CCDC47: variants seen among roughly 807,000 people sequenced by gnomAD.
CCDC47 encodes the protein coiled-coil domain containing 47, also known as PAT complex subunit CCDC47.
CCDC47 carries 41 observed loss-of-function variants against 60.5 expected under a neutral mutation model. The ratio of observed to expected loss-of-function variants is 0.68; its 90% CI spans 0.53 to 0.88. The LOEUF (loss-of-function observed/expected upper bound fraction) is 0.88, where lower values mean the gene tolerates loss of function less well. Among genes scored for constraint, CCDC47 ranks in the 40% least tolerant of loss-of-function variants. CCDC47 has a pLI of 0.00. For synonymous variants in CCDC47, 195 were observed against 190.7 expected (o/e 1.02, Z -0.18); for missense variants, 513 against 580.9 (o/e 0.88, Z 1.20).
intron 1 of CCDC47, chr17:63,766,852 A>G: frequency 2.0e-6 from 2 of 981,078 alleles, no homozygotes; most frequent in East Asian, 2.3e-4. Flanking sequence ...GTAAAAATGA[A>G]GGAATAAGAT....
chr17:63,766,224 T>C (rs113734422), intron 1 of CCDC47, 30 bp from the exon 2 acceptor site: 37 of 1,570,478 alleles, frequency 2.4e-5, no homozygotes, highest in African/African-American at 2.2e-4. Flanking sequence ...CCAAAATGGA[T>C]TGCCATTCTA....
At chr17:63,772,064 A>G (rs1220488281) in intron 1 of CCDC47, among the ~76,000 whole-genome samples, 1 of 152,028 alleles carries the variant, frequency 6.6e-6, no homozygotes, top group Non-Finnish European at 1.5e-5. Flanking sequence ...CCTGGGCAAC[A>G]GGGTGAGACT....
chr17:63,753,007 T>C (rs1052768133), intron 9 of CCDC47: 1 of 799,746 alleles, frequency 1.3e-6, no homozygotes, highest in African/African-American at 1.9e-5. Flanking sequence ...AAGTGATCTT[T>C]ATCCTATATT....
chr17:63,751,455 G>T (rs976966066), intron 12 of CCDC47, among the ~76,000 whole-genome samples: 1 of 138,654 alleles, frequency 7.2e-6, no homozygotes, highest in African/African-American at 2.7e-5. Context: ...AGATCATACC[G>T]AGCTTTCAAA....
chr17:63,757,352 G>C (rs2144482357), intron 6 of CCDC47, among the ~76,000 whole-genome samples: 1 of 147,244 alleles, frequency 6.8e-6, no homozygotes. Flanking sequence ...AGGTGACAGA[G>C]CAAGACCCTG....
chr17:63,759,574 TATAAAA>T (rs2039240374), intron 6 of CCDC47, among the ~76,000 whole-genome samples: 1 of 84,376 alleles, frequency 1.2e-5, no homozygotes, highest in Non-Finnish European at 2.3e-5. Flanking sequence ...TATATATATA[TATAAAA>T]CAATGATTTT....
At chr17:63,769,133 C>T (rs2039317614) in intron 1 of CCDC47, among the ~76,000 whole-genome samples, 1 of 151,240 alleles carries the variant, frequency 6.6e-6, no homozygotes, top group Non-Finnish European at 1.5e-5. Flanking sequence ...CACCTGTAGT[C>T]CAGCTATTCT....
chr17:63,767,790 C>A (rs1013823080), intron 1 of CCDC47, among the ~76,000 whole-genome samples: 4 of 152,168 alleles, frequency 2.6e-5, no homozygotes, highest in African/African-American at 7.2e-5. Flanking sequence ...CAATCCCTGC[C>A]TATAGTCATC....
chr17:63,747,481 T>A (rs2039129665), intron 12 of CCDC47: 6 of 978,674 alleles, frequency 6.1e-6, no homozygotes, highest in Non-Finnish European at 6.1e-6. Flanking sequence ...ATTTATCAAA[T>A]GTGATAAAAA....
At chr17:63,756,182 G>A in intron 8 of CCDC47, 58 bp downstream of exon 8, 1 of 1,114,604 alleles carries the variant, frequency 9.0e-7, no homozygotes, top group Non-Finnish European at 1.4e-6. Context: ...GAGACTTTTA[G>A]GGAGAGTGTC....
intron 1 of CCDC47, among the ~76,000 whole-genome samples, chr17:63,771,175 T>A (rs2039338838): frequency 6.6e-6 from 1 of 151,970 alleles, no homozygotes; most frequent in South Asian, 2.1e-4. Context: ...GGGTTCCACA[T>A]CTGTGGATTC....
At chr17:63,769,487 G>A (rs1157095540) in intron 1 of CCDC47, among the ~76,000 whole-genome samples, 4 of 150,346 alleles carry the variant, frequency 2.7e-5, no homozygotes, top group African/African-American at 7.3e-5. Flanking sequence ...GGTGACAGGC[G>A]CCTGTAATCC....
chr17:63,771,234 AAT>A (rs1229914647), intron 1 of CCDC47, among the ~76,000 whole-genome samples: 1 of 152,050 alleles, frequency 6.6e-6, no homozygotes, highest in Non-Finnish European at 1.5e-5. Context: ...GTTAAAAAAA[AAT>A]ACAATTAAAT....
chr17:63,754,426 T>A lies in CCDC47; in HGVS notation c.1034+7A>T. The A allele has an allele frequency of 6.5e-7, 1 of 1,538,536 alleles. No individual in the cohort carries two copies. The highest frequency in any genetic ancestry group is 9.0e-7 in the Non-Finnish European group (1 of 1,114,210). On this transcript the variant is annotated splice_region_variant and intron_variant, in intron 9 of 12. Transcript: ENST00000225726. ...AATTAATTTCAACAATTTTATCTTA[T>A]ACGTACTCTTGCATAATTTTTGGAC... is the stretch of plus-strand genomic sequence containing the variant.
chr17:63,772,320 C>G (rs1186769594), intron 1 of CCDC47, among the ~76,000 whole-genome samples: 4 of 130,034 alleles, frequency 3.1e-5, no homozygotes, highest in East Asian at 2.6e-4. Flanking sequence ...GTGGCACGAT[C>G]TCGGCTCACT....
intron 6 of CCDC47, 94 bp downstream of exon 6, chr17:63,760,818 AAC>A (rs1240799885): frequency 5.7e-6 from 5 of 871,912 alleles, no homozygotes; most frequent in African/African-American, 1.7e-5. Context: ...CAGCCTGAGC[AAC>A]AGAGTGAGAC....
intron 12 of CCDC47, chr17:63,747,540 A>G (rs753692878): frequency 1.8e-5 from 18 of 984,068 alleles, no homozygotes; most frequent in Non-Finnish European, 1.9e-5. Flanking sequence ...GTTACATAGA[A>G]GAGTAAGAAG....
Position 63,746,892 on chromosome 17 carries a change from T to C in CCDC47, c.1441A>G (p.Lys481Glu). 6.2e-7 allele frequency: 1 copy of C among 1,613,642 alleles called. No homozygotes were observed. Among genetic ancestry groups the C allele is most frequent in the Non-Finnish European group, 8.5e-7 (1 of 1,179,648 alleles). Residue 481 changes from lysine to glutamate, a missense_variant, in exon 13 of 13, where the codon AAA (lysine) becomes GAA (glutamate). Lys to Glu is a moderately conservative substitution (Grantham distance 56). Transcript: ENST00000225726. ...TCTCTGGGATGGCTTTACATGGCTT[T>C]CACTTTGATTTGTTTCATTTTCATT... ...KQMKMKQIKVKAM is the reference protein window; with the variant it reads ...KQMKMKQIKVEAM
intron 1 of CCDC47, among the ~76,000 whole-genome samples, chr17:63,770,870 C>G (rs2039333302): frequency 6.6e-6 from 1 of 151,306 alleles, no homozygotes; most frequent in Non-Finnish European, 1.5e-5. Context: ...CACCTGTAAT[C>G]CCAGCTACTT....
Sources: gnomAD v4.1 joint callset for allele counts (sites outside exome capture counted in the v4.1 genomes callset) on GRCh38, gnomAD v4.1.1 for gene constraint, MANE v1.5 for transcripts, NCBI Gene and HGNC (gene_info 2026-07-23, HGNC 2026-07-21) for gene names.